The following PTPRJ variants were observed in gnomAD, a reference collection of about 807,000 sequenced individuals.
The protein encoded by PTPRJ is receptor-type tyrosine-protein phosphatase eta.
A neutral mutation model predicts 141.3 loss-of-function variants in PTPRJ; 129 were observed. The ratio of observed to expected loss-of-function variants is 0.91; its 90% CI spans 0.79 to 1.06. The LOEUF (loss-of-function observed/expected upper bound fraction) is 1.06, where lower values mean the gene tolerates loss of function less well. PTPRJ is among the 50% of genes least tolerant of loss of function. The pLI is 0.00. For synonymous variants in PTPRJ, 610 were observed against 640.5 expected (o/e 0.95, Z 0.72); for missense variants, 1,601 against 1,679.7 (o/e 0.95, Z 0.82).
intron 3 of PTPRJ, among the ~76,000 whole-genome samples, chr11:48,118,086 A>G (rs1352206754): frequency 6.6e-6 from 1 of 152,182 alleles, no homozygotes; most frequent in Non-Finnish European, 1.5e-5. Context: ...TCTATTTATT[A>G]CTGTTGTTAT....
intron 1 of PTPRJ, among the ~76,000 whole-genome samples, chr11:48,025,284 A>G (rs1270598348): frequency 6.6e-6 from 1 of 152,208 alleles, no homozygotes; most frequent in Non-Finnish European, 1.5e-5. Flanking sequence ...TGGAGGTTAC[A>G]TGTTCTACCC....
chr11:48,051,926 G>A (rs1302731205), intron 1 of PTPRJ, among the ~76,000 whole-genome samples: 4 of 152,180 alleles, frequency 2.6e-5, no homozygotes, highest in African/African-American at 4.8e-5. Context: ...TGAATGTAAC[G>A]AGAATCAAAT....
chr11:48,134,557 G>T (rs1052590819), intron 8 of PTPRJ, among the ~76,000 whole-genome samples: 2 of 152,136 alleles, frequency 1.3e-5, no homozygotes, highest in African/African-American at 4.8e-5. Context: ...ATTAATTTTG[G>T]AGTAGATAGT....
intron 1 of PTPRJ, chr11:48,096,983 T>C (rs537838525): frequency 6.5e-6 from 1 of 154,750 alleles, no homozygotes; most frequent in South Asian, 2.0e-4. Context: ...CCAAATCAAA[T>C]TTAATTTTCA....
intron 18 of PTPRJ, among the ~76,000 whole-genome samples, chr11:48,150,888 G>A (rs748565995): frequency 2.0e-5 from 3 of 152,224 alleles, no homozygotes; most frequent in Non-Finnish European, 4.4e-5. Context: ...TGCACATGCT[G>A]CTTCCTCCAT....
At chr11:48,124,470 G>A (rs1471127538) in intron 5 of PTPRJ, among the ~76,000 whole-genome samples, 1 of 152,182 alleles carries the variant, frequency 6.6e-6, no homozygotes, top group Non-Finnish European at 1.5e-5. Flanking sequence ...CCTCCCTCTT[G>A]CTTCTTTCTG....
intron 15 of PTPRJ, 115 bp from the exon 16 acceptor site, chr11:48,149,332 T>C (rs995539878): frequency 5.4e-6 from 4 of 736,494 alleles, no homozygotes; most frequent in African/African-American, 1.9e-5. Flanking sequence ...AACTAATGCC[T>C]GAGGAAAAGG....
chr11:48,081,229 C>T (rs939639737), intron 1 of PTPRJ, among the ~76,000 whole-genome samples: 4 of 152,194 alleles, frequency 2.6e-5, no homozygotes, highest in East Asian at 1.9e-4. Flanking sequence ...TTGCTTGTGC[C>T]GAGCCGCCAA....
chr11:48,139,901 T>G, intron 11 of PTPRJ, 125 bp downstream of exon 11: 1 of 1,030,370 alleles, frequency 9.7e-7, no homozygotes, highest in Admixed American at 2.7e-5. Flanking sequence ...CTAAAATATT[T>G]GCTTTTACTG....
chr11:48,027,948 A>G (rs1050129663), intron 1 of PTPRJ, among the ~76,000 whole-genome samples: 1 of 150,898 alleles, frequency 6.6e-6, no homozygotes, highest in Non-Finnish European at 1.5e-5. Context: ...CAGGGTCCAG[A>G]TGCTTCCAGG....
intron 1 of PTPRJ, among the ~76,000 whole-genome samples, chr11:47,988,327 T>A (rs988775838): frequency 2.0e-4 from 31 of 151,948 alleles, no homozygotes; most frequent in East Asian, 9.6e-4. Context: ...AAGGTTTTTT[T>A]AAAATTTTTA....
intron 1 of PTPRJ, among the ~76,000 whole-genome samples, chr11:48,033,821 G>C (rs1230354854): frequency 2.0e-5 from 3 of 152,212 alleles, no homozygotes; most frequent in Non-Finnish European, 4.4e-5. Flanking sequence ...TGTGATCCAA[G>C]GCGGGAACTA....
chr11:48,127,977 A>C lies in PTPRJ; in HGVS notation c.1291A>C (p.Asn431His). The C allele has an allele frequency of 1.2e-6, 2 of 1,614,102 alleles. No homozygotes were observed. The highest frequency in any genetic ancestry group is 2.7e-5 in the African/African-American group (2 of 75,016). Residue 431 changes from asparagine to histidine, a missense_variant, in exon 7 of 25, where the codon AAC becomes CAC. Physicochemically the swap from Asn to His is moderately conservative, Grantham distance 68. Coordinates refer to ENST00000418331, the MANE Select transcript of PTPRJ (RefSeq NM_002843.4). ...IPGLRSSTFYNITVCPVLGDI... is the reference protein window; with the variant it reads ...IPGLRSSTFYHITVCPVLGDI... ...CGGACTCCGCTCCAGCACCTTCTAC[A>C]ACATCACAGTGTGTCCTGTCCTAGG...
chr11:48,024,837 G>C (rs954863847), intron 1 of PTPRJ, among the ~76,000 whole-genome samples: 3 of 152,232 alleles, frequency 2.0e-5, no homozygotes, highest in Non-Finnish European at 4.4e-5. Context: ...CAAAGGCAGG[G>C]ATCCTGTCTC....
intron 1 of PTPRJ, among the ~76,000 whole-genome samples, chr11:48,076,109 T>C (rs1263981215): frequency 6.6e-6 from 1 of 152,220 alleles, no homozygotes; most frequent in Non-Finnish European, 1.5e-5. Context: ...GGTTCCAGTC[T>C]CACCCATCTG....
At position 48,139,885 on chromosome 11, in the gene PTPRJ, T is replaced by G. The variant is rs1857193270; in HGVS notation, c.2443+109T>G. The G allele has an allele frequency of 4.3e-6, 5 of 1,164,332 alleles. No individual in the cohort carries two copies. In the South Asian group the frequency reaches 4.7e-5, roughly 11 times the overall value. The allele number at this position is 1,164,332 out of a possible 1,614,324, so 72.1% of individuals were successfully genotyped here. On this transcript the variant is annotated intron_variant, in intron 11 of 24. Transcript: ENST00000418331. ...CTAGAAATCTGTTTTTGTTTTTTTATTTCCCCTAAAATATTTGCTTTTACT... is the reference window on the plus strand; with the variant it reads ...CTAGAAATCTGTTTTTGTTTTTTTAGTTCCCCTAAAATATTTGCTTTTACT...
Position 48,012,253 on chromosome 11 carries a change from A to G in PTPRJ, c.96+31245A>G, listed in dbSNP as rs543466452. 6.6e-5 allele frequency among the ~76,000 whole-genome samples: 10 copies of G among 152,168 alleles called. No individual in the cohort carries two copies. The South Asian group carries it at 2.1e-3, about 32-fold the overall frequency. ...TGCAGATCAGCTAGTTTTGACCCAC[A>G]TCCTCCCTCTAAGTGGTGCTCATTG... On this transcript the variant is annotated intron_variant, in intron 1 of 24. Coordinates refer to ENST00000418331, the MANE Select transcript of PTPRJ (RefSeq NM_002843.4).
Position 48,153,838 on chromosome 11 carries a change from G to T in PTPRJ, c.3181G>T (p.Glu1061Ter). The T allele has an allele frequency of 6.2e-7, 1 of 1,613,838 alleles. No homozygotes were observed. The highest frequency in any genetic ancestry group is 8.5e-7 in the Non-Finnish European group (1 of 1,179,774). Residue 1061 changes from glutamate to a stop codon, truncating the protein, a stop_gained, in exon 19 of 25, where the codon GAA becomes TAA. Transcript: ENST00000418331. LOFTEE classifies it high-confidence loss of function. ...VGISQPKYAA[E>*]LAENRGKNRY... ...AATTAGTCAACCTAAATATGCAGCA[G>T]AACTGGCTGAGAATAGAGGAAAGAA...
intron 1 of PTPRJ, among the ~76,000 whole-genome samples, chr11:48,024,465 T>A (rs1228041): frequency 8.0e-4 from 122 of 152,344 alleles, no homozygotes; most frequent in African/African-American, 2.9e-3. Flanking sequence ...TCCAAAGTGC[T>A]GGGATTACAG....
Sources: gnomAD v4.1 joint callset for allele counts (sites outside exome capture counted in the v4.1 genomes callset) on GRCh38, gnomAD v4.1.1 for gene constraint, MANE v1.5 for transcripts, NCBI Gene and HGNC (gene_info 2026-07-23, HGNC 2026-07-21) for gene names.